Variants in FOXP2 observed in about 807,000 individuals in gnomAD.
FOXP2 encodes the protein forkhead box P2.
FOXP2 carries 12 observed loss-of-function variants against 115.8 expected under a neutral mutation model. The observed-to-expected ratio is 0.10, with a 90% CI of 0.07 to 0.17. The LOEUF is 0.17. Among genes scored for constraint, FOXP2 ranks in the 10% least tolerant of loss-of-function variants. The pLI, the probability that FOXP2 is intolerant of heterozygous loss-of-function variation, is 1.00. For synonymous variants in FOXP2, 328 were observed against 297.7 expected (o/e 1.10, Z -1.05); for missense variants, 629 against 843.5 (o/e 0.75, Z 3.15).
At chr7:114,656,706 CGTT>C (rs1267933959) in intron 10 of FOXP2, 1 of 180,360 alleles carries the variant, frequency 5.5e-6, no homozygotes, top group East Asian at 1.7e-4. Flanking sequence ...GGGTGCCAGT[CGTT>C]ATTATTAGAC....
chr7:114,403,479 C>T (rs941135864), intron 2 of FOXP2, among the ~76,000 whole-genome samples: 3 of 152,192 alleles, frequency 2.0e-5, no homozygotes, highest in Non-Finnish European at 4.4e-5. Flanking sequence ...GTTCTTTATA[C>T]TTCTCATTGC....
At chr7:114,628,854 T>A in intron 4 of FOXP2, 177 bp downstream of exon 4, 1 of 720,364 alleles carries the variant, frequency 1.4e-6, no homozygotes, top group South Asian at 1.9e-5. Context: ...TCTAGATTGC[T>A]TATTTTTTTA....
chr7:114,373,930 C>CT (rs1388484134), intron 2 of FOXP2, among the ~76,000 whole-genome samples: 4 of 151,980 alleles, frequency 2.6e-5, no homozygotes, highest in African/African-American at 7.2e-5. Context: ...CAAAAGTATG[C>CT]TTTTTTTTCC....
At chr7:114,564,917 C>T (rs1800932161) in intron 3 of FOXP2, among the ~76,000 whole-genome samples, 2 of 151,268 alleles carry the variant, frequency 1.3e-5, no homozygotes, top group South Asian at 4.2e-4. Context: ...TTATTTGTGC[C>T]CATTACTCAA....
At chr7:114,237,150 A>C (rs960462269) in intron 1 of FOXP2, among the ~76,000 whole-genome samples, 1 of 152,168 alleles carries the variant, frequency 6.6e-6, no homozygotes, top group Non-Finnish European at 1.5e-5. Flanking sequence ...ATACAAATAT[A>C]TATTTATACA....
At chr7:114,619,882 C>T (rs1343445545) in intron 3 of FOXP2, among the ~76,000 whole-genome samples, 1 of 151,996 alleles carries the variant, frequency 6.6e-6, no homozygotes, top group Non-Finnish European at 1.5e-5. Flanking sequence ...GTTTTTCATT[C>T]AGTCATAGTA....
chr7:114,676,344 T>C (rs942794224), intron 16 of FOXP2, among the ~76,000 whole-genome samples: 2 of 152,202 alleles, frequency 1.3e-5, no homozygotes, highest in African/African-American at 4.8e-5. Flanking sequence ...TGAACAAGTC[T>C]ATATTGAATG....
intron 1 of FOXP2, among the ~76,000 whole-genome samples, chr7:114,266,700 A>AT (rs1230951487): frequency 6.6e-6 from 1 of 152,152 alleles, no homozygotes; most frequent in East Asian, 1.9e-4. Flanking sequence ...CATCCAAACT[A>AT]TAACAGGAGG....
At chr7:114,632,686 C>T (rs1804986093) in intron 6 of FOXP2, among the ~76,000 whole-genome samples, 2 of 152,086 alleles carry the variant, frequency 1.3e-5, no homozygotes, top group Admixed American at 6.6e-5. Context: ...AAATTAATGT[C>T]TCTTTGGCTT....
intron 1 of FOXP2, among the ~76,000 whole-genome samples, chr7:114,171,016 G>T (rs1793122445): frequency 1.3e-5 from 2 of 152,320 alleles, no homozygotes; most frequent in Admixed American, 6.5e-5. Flanking sequence ...TGGCGTCAAA[G>T]CTTCAAAGGA....
Position 114,457,810 on chromosome 7 carries a change from C to A in FOXP2, c.168+31131C>A, listed in dbSNP as rs548484031. ...CTATTGGGGAGGCTGAGGCAGGAGA[C>A]TGGCGTGAACCCAGGAGGCAGAGCT... On this transcript the variant is annotated intron_variant, in intron 2 of 16. Transcript: ENST00000350908. Among the ~76,000 whole-genome samples, 19 of 151,202 alleles carry A rather than the reference C, an allele frequency of 1.3e-4. No individual in the cohort carries two copies. In the South Asian group the frequency reaches 2.3e-3, roughly 18 times the overall value.
intron 1 of FOXP2, among the ~76,000 whole-genome samples, chr7:114,106,358 C>CTT (rs199504822): frequency 6.1e-4 from 87 of 141,928 alleles, no homozygotes; most frequent in East Asian, 2.3e-3. Flanking sequence ...CTGTCCCCTC[C>CTT]TTTTTTTTTT....
intron 2 of FOXP2, among the ~76,000 whole-genome samples, chr7:114,308,901 C>T (rs1195273437): frequency 3.9e-5 from 6 of 152,082 alleles, no homozygotes; most frequent in Admixed American, 2.6e-4. Flanking sequence ...CAGTAGTAGC[C>T]CTGGGAGGGA....
intron 1 of FOXP2, among the ~76,000 whole-genome samples, chr7:114,096,208 G>C (rs1799648737): frequency 6.6e-6 from 1 of 152,142 alleles, no homozygotes; most frequent in Admixed American, 6.5e-5. Context: ...AATTATGGTA[G>C]TTTTTAGCAG....
chr7:114,638,299 T>C (rs556553372), intron 6 of FOXP2, among the ~76,000 whole-genome samples: 1 of 152,290 alleles, frequency 6.6e-6, no homozygotes, highest in African/African-American at 2.4e-5. Context: ...AGGTTTTCCT[T>C]GTTACTACAC....
chr7:114,440,875 T>C (rs1794568278), intron 2 of FOXP2, among the ~76,000 whole-genome samples: 1 of 151,852 alleles, frequency 6.6e-6, no homozygotes, highest in African/African-American at 2.4e-5. Flanking sequence ...TGAGCAGGAA[T>C]AGAACCAAAA....
At chr7:114,647,760 A>T (rs748319483) in intron 8 of FOXP2, among the ~76,000 whole-genome samples, 3 of 152,084 alleles carry the variant, frequency 2.0e-5, no homozygotes, top group Admixed American at 6.6e-5. Flanking sequence ...TGCAAAATTA[A>T]TTATCATTCC....
At chr7:114,260,238 C>T (rs895763805) in intron 1 of FOXP2, among the ~76,000 whole-genome samples, 10 of 151,212 alleles carry the variant, frequency 6.6e-5, no homozygotes, top group South Asian at 4.2e-4. Flanking sequence ...ACAACAACAC[C>T]GCCAAAAAAC....
intron 1 of FOXP2, among the ~76,000 whole-genome samples, chr7:114,199,356 A>C (rs1208423211): frequency 6.6e-6 from 1 of 152,182 alleles, no homozygotes; most frequent in Admixed American, 6.5e-5. Flanking sequence ...AACCTTTCTA[A>C]TTTTAAAATG....
Sources: gnomAD v4.1 joint callset for allele counts (sites outside exome capture counted in the v4.1 genomes callset) on GRCh38, gnomAD v4.1.1 for gene constraint, MANE v1.5 for transcripts, NCBI Gene and HGNC (gene_info 2026-07-23, HGNC 2026-07-21) for gene names.